Variants in FAM135B observed in about 807,000 individuals in gnomAD.
The protein encoded by FAM135B is family with sequence similarity 135 member B.
Under a neutral mutation model 127.7 loss-of-function variants are expected in FAM135B, and 43 were observed. The ratio of observed to expected loss-of-function variants is 0.34; its 90% CI spans 0.26 to 0.43. FAM135B has a LOEUF of 0.43. Ranked by LOEUF, FAM135B falls within the 20% of genes least tolerant of loss-of-function variation. FAM135B has a pLI of 1.00. For missense variants in FAM135B, 1,558 were observed against 1,725.6 expected, an observed-to-expected ratio of 0.90 and a Z score of 1.72; for synonymous variants, 670 against 665.1, an observed-to-expected ratio of 1.01 and a Z score of -0.11.
At chr8:138,154,553 T>A (rs1034798530) in intron 12 of FAM135B, among the ~76,000 whole-genome samples, 1 of 152,182 alleles carries the variant, frequency 6.6e-6, no homozygotes, top group East Asian at 1.9e-4. Context: ...TGAAAAAAGA[T>A]TAGACAAATG....
intron 3 of FAM135B, among the ~76,000 whole-genome samples, chr8:138,302,217 C>G (rs1303608096): frequency 6.6e-6 from 1 of 151,930 alleles, no homozygotes; most frequent in Non-Finnish European, 1.5e-5. Flanking sequence ...CCGAGGTCAT[C>G]CAGTGTGAAT....
chr8:138,402,869 G>A (rs1376373760), intron 1 of FAM135B, among the ~76,000 whole-genome samples: 1 of 152,184 alleles, frequency 6.6e-6, no homozygotes, highest in Non-Finnish European at 1.5e-5. Context: ...ATGGTTTTTG[G>A]AGGTGGAGTT....
At chr8:138,133,399 C>T (rs1816359817) in intron 19 of FAM135B, among the ~76,000 whole-genome samples, 2 of 152,208 alleles carry the variant, frequency 1.3e-5, no homozygotes. Flanking sequence ...TGGAGCCATG[C>T]AGTGCAATTG....
intron 2 of FAM135B, among the ~76,000 whole-genome samples, chr8:138,326,686 T>A (rs922541304): frequency 1.3e-5 from 2 of 152,152 alleles, no homozygotes; most frequent in African/African-American, 4.8e-5. Context: ...TGAAAACATA[T>A]GATAGAATCC....
intron 1 of FAM135B, among the ~76,000 whole-genome samples, chr8:138,446,169 G>T (rs545187230): frequency 1.2e-3 from 177 of 152,206 alleles, no homozygotes; most frequent in African/African-American, 4.2e-3. Context: ...ACAAACAAAT[G>T]GAAGAACATT....
At chr8:138,149,875 C>T (rs1298094412) in intron 13 of FAM135B, among the ~76,000 whole-genome samples, 1 of 152,182 alleles carries the variant, frequency 6.6e-6, no homozygotes, top group East Asian at 1.9e-4. Flanking sequence ...CTCCGTTAGA[C>T]TGCAGGTACA....
In FAM135B at chr8:138,219,550, G is replaced by A. The variant is rs73715448; in HGVS notation, c.670-21881C>T. ...AAATCTGCGTAAATATTTGAGATGG[G>A]GATTGAGAAAATAACAAAGAAGCAT... On this transcript the variant is annotated intron_variant, in intron 7 of 19. Coordinates refer to ENST00000395297, the MANE Select transcript of FAM135B (RefSeq NM_015912.4). Among the ~76,000 whole-genome samples, 894 of 152,208 alleles carry A rather than the reference G, an allele frequency of 5.9e-3. 10 individuals carry two copies. The highest frequency in any genetic ancestry group is 0.02 in the African/African-American group (851 of 41,520).
intron 2 of FAM135B, among the ~76,000 whole-genome samples, chr8:138,343,320 T>C (rs75557992): frequency 0.044 from 6,752 of 152,282 alleles, 196 homozygotes; most frequent in Middle Eastern, 0.12. Flanking sequence ...GACACTGCTA[T>C]ACACTATAGC....
chr8:138,259,584 G>A (rs1476648309), intron 4 of FAM135B, among the ~76,000 whole-genome samples: 1 of 152,152 alleles, frequency 6.6e-6, no homozygotes, highest in Admixed American at 6.5e-5. Context: ...CCACAGGAGG[G>A]ACACATTCCT....
chr8:138,222,548 CTG>C (rs1008353461), intron 7 of FAM135B, among the ~76,000 whole-genome samples: 1 of 152,052 alleles, frequency 6.6e-6, no homozygotes, highest in Admixed American at 6.6e-5. Flanking sequence ...ACAAATATAA[CTG>C]TTATTTTACT....
At chr8:138,278,553 ATTTTTTTT>A (rs557719866) in intron 3 of FAM135B, among the ~76,000 whole-genome samples, 243 of 60,546 alleles carry the variant, frequency 4.0e-3, no homozygotes, top group African/African-American at 0.015. Context: ...TAAGAACATG[ATTTTTTTT>A]TTTTTTTTTT....
chr8:138,146,720 C>A (rs536656759), intron 14 of FAM135B, among the ~76,000 whole-genome samples: 1 of 152,056 alleles, frequency 6.6e-6, no homozygotes, highest in Non-Finnish European at 1.5e-5. Flanking sequence ...GGATTTACTA[C>A]GACAGAATAA....
At chr8:138,344,577 C>CTTTTTTTTTTTTTTTTTT (rs869039075) in intron 2 of FAM135B, among the ~76,000 whole-genome samples, 4 of 83,930 alleles carry the variant, frequency 4.8e-5, no homozygotes, top group Admixed American at 1.2e-4. Flanking sequence ...TTCTTTCTTT[C>CTTTTTTTTTTTTTTTTTT]TTTTTTTTTT....
chr8:138,345,110 GGGTCA>G (rs770145914), intron 2 of FAM135B, among the ~76,000 whole-genome samples: 25 of 152,278 alleles, frequency 1.6e-4, no homozygotes, highest in Non-Finnish European at 3.1e-4. Context: ...TGGAGGATGA[GGGTCA>G]GAATAGTTCA....
chr8:138,155,990 T>C (rs1184812215), intron 12 of FAM135B, among the ~76,000 whole-genome samples: 1 of 152,184 alleles, frequency 6.6e-6, no homozygotes, highest in East Asian at 1.9e-4. Flanking sequence ...CAACAGAATA[T>C]ACATTCTTCT....
intron 3 of FAM135B, among the ~76,000 whole-genome samples, chr8:138,271,212 T>C (rs1002855846): frequency 6.6e-6 from 1 of 152,192 alleles, no homozygotes; most frequent in African/African-American, 2.4e-5. Context: ...TACCTTCAAT[T>C]TTTGAAGCAT....
intron 2 of FAM135B, among the ~76,000 whole-genome samples, chr8:138,327,257 T>C (rs1246331046): frequency 1.3e-5 from 2 of 152,170 alleles, no homozygotes; most frequent in Non-Finnish European, 2.9e-5. Flanking sequence ...AGACTGTTGG[T>C]GATTTACATT....
chr8:138,173,784 G>A (rs1370150295), intron 11 of FAM135B, among the ~76,000 whole-genome samples: 2 of 152,180 alleles, frequency 1.3e-5, no homozygotes, highest in Non-Finnish European at 2.9e-5. Context: ...CTATTGTTAT[G>A]AAAATGAATA....
intron 7 of FAM135B, among the ~76,000 whole-genome samples, chr8:138,208,460 C>A (rs1255363159): frequency 6.6e-6 from 1 of 152,140 alleles, no homozygotes; most frequent in Non-Finnish European, 1.5e-5. Flanking sequence ...TCTTTCCTCT[C>A]TGTTTCTAAG....
Sources: gnomAD v4.1 joint callset for allele counts (sites outside exome capture counted in the v4.1 genomes callset) on GRCh38, gnomAD v4.1.1 for gene constraint, MANE v1.5 for transcripts, NCBI Gene and HGNC (gene_info 2026-07-23, HGNC 2026-07-21) for gene names.